LAMB1: variants seen among roughly 807,000 people sequenced by gnomAD.
LAMB1 encodes the protein laminin subunit beta-1.
Under a neutral mutation model 222.3 loss-of-function variants are expected in LAMB1, and 121 were observed. The ratio of observed to expected loss-of-function variants is 0.54; its 90% CI spans 0.47 to 0.63. The LOEUF (loss-of-function observed/expected upper bound fraction) is 0.63, where lower values mean the gene tolerates loss of function less well. LAMB1 is among the 30% of genes least tolerant of loss of function. The pLI is 0.00. For synonymous variants in LAMB1, 794 were observed against 807.2 expected, an observed-to-expected ratio of 0.98 and a Z score of 0.28; for missense variants, 2,172 against 2,240.8, an observed-to-expected ratio of 0.97 and a Z score of 0.62.
intron 20 of LAMB1, 99 bp from the exon 21 acceptor site, chr7:107,955,729 C>A: frequency 9.5e-7 from 1 of 1,052,046 alleles, no homozygotes; most frequent in Non-Finnish European, 1.3e-6. Flanking sequence ...GCACACTCTT[C>A]TCCACTCCTC....
intron 2 of LAMB1, 46 bp from the exon 3 acceptor site, chr7:108,001,779 G>T (rs758457042): frequency 6.2e-7 from 1 of 1,603,164 alleles, no homozygotes; most frequent in Non-Finnish European, 8.5e-7. Flanking sequence ...CAAGCAGGGA[G>T]TGGAGCCCGA....
At chr7:107,935,683 A>G (rs1313515561) in intron 26 of LAMB1, 27 bp from the exon 27 acceptor site, 2 of 1,609,522 alleles carry the variant, frequency 1.2e-6, no homozygotes, top group Admixed American at 3.3e-5. Flanking sequence ...AATTGCCCAC[A>G]GTTAACCTCA....
In LAMB1 at chr7:107,930,620, A is replaced by G. The variant is rs144899880; in HGVS notation, c.4537+736T>C. Among the ~76,000 whole-genome samples, 457 of 152,344 alleles carry G rather than the reference A, an allele frequency of 3.0e-3. 1 individual carries two copies. Among genetic ancestry groups the G allele is most frequent in the African/African-American group, 0.01 (435 of 41,576 alleles). Reference sequence around the variant, plus strand: ...TTGCTGGCCAGTGAGGTTTATAAGGATGACTGCTTAAAGGCTTCTAGGGAA... The same window carrying G: ...TTGCTGGCCAGTGAGGTTTATAAGGGTGACTGCTTAAAGGCTTCTAGGGAA... On this transcript the variant is annotated intron_variant, in intron 29 of 33. Transcript: ENST00000222399.
chr7:107,987,407 T>C (rs916156957), intron 5 of LAMB1, among the ~76,000 whole-genome samples: 6 of 152,124 alleles, frequency 3.9e-5, no homozygotes, highest in Admixed American at 3.9e-4. Context: ...CATTGATTTA[T>C]ACACTTAAAA....
At chr7:107,988,460 G>T (rs115032341) in intron 5 of LAMB1, among the ~76,000 whole-genome samples, 5,575 of 152,184 alleles carry the variant, frequency 0.037, 122 homozygotes, top group African/African-American at 0.039. Flanking sequence ...AAAGAAAAAA[G>T]GAATGGGTAA....
chr7:107,963,929 T>A (rs979405961), intron 14 of LAMB1, among the ~76,000 whole-genome samples: 10 of 152,114 alleles, frequency 6.6e-5, no homozygotes, highest in Non-Finnish European at 1.0e-4. Context: ...TGAAACCCCA[T>A]CCCTACTAAA....
At chr7:107,994,810 A>G in intron 5 of LAMB1, 77 bp downstream of exon 5, 1 of 786,302 alleles carries the variant, frequency 1.3e-6, no homozygotes. Context: ...GTCAACTCAC[A>G]TCTGACATCC....
rs949102852 is a variant in LAMB1 at position 107,928,966 on chromosome 7, G to A, written c.4887+98C>T. On this transcript the variant is annotated intron_variant, in intron 31 of 33. Transcript: ENST00000222399. ...TTTATTAAAGGAATCCTTTAATGTT[G>A]AGTTGTAAGAATTTCTGTTCATAGA... The A allele has an allele frequency of 4.4e-6, 5 of 1,137,328 alleles. No individual in the cohort carries two copies. In the African/African-American group the frequency reaches 6.2e-5, roughly 14 times the overall value. The allele number at this position is 1,137,328 out of a possible 1,614,324, so 70.5% of individuals were successfully genotyped here. A position where few individuals can be genotyped will look rare whatever the true frequency, so the allele number is the denominator to read the frequency against.
chr7:107,960,153 TTC>T (rs2033466745), intron 18 of LAMB1, among the ~76,000 whole-genome samples: 1 of 152,204 alleles, frequency 6.6e-6, no homozygotes, highest in African/African-American at 2.4e-5. Flanking sequence ...TATTTGATGC[TTC>T]TCTGATTCCA....
chr7:107,983,443 CACAGCAACATCA>C (rs2034011965), intron 7 of LAMB1, among the ~76,000 whole-genome samples: 2 of 151,832 alleles, frequency 1.3e-5, no homozygotes, highest in Non-Finnish European at 2.9e-5. Flanking sequence ...AGCTGATAGT[CACAGCAACATCA>C]ACAGCAACAA....
At chr7:107,965,773 T>G (rs1201505539) in intron 13 of LAMB1, among the ~76,000 whole-genome samples, 1 of 152,052 alleles carries the variant, frequency 6.6e-6, no homozygotes, top group Non-Finnish European at 1.5e-5. Context: ...AAGTTGCAAC[T>G]CACAGGAACA....
intron 12 of LAMB1, among the ~76,000 whole-genome samples, chr7:107,973,421 G>A (rs1434610307): frequency 2.0e-5 from 3 of 152,112 alleles, no homozygotes; most frequent in African/African-American, 7.2e-5. Flanking sequence ...GATTTGGCAG[G>A]CCTTTAAATC....
chr7:108,002,498 G>T, intron 2 of LAMB1: 1 of 1,162,498 alleles, frequency 8.6e-7, no homozygotes, highest in Non-Finnish European at 1.1e-6. Context: ...ATGGATTTTT[G>T]GAGAGCCCTC....
chr7:107,969,936 T>G (rs374320213), intron 13 of LAMB1, among the ~76,000 whole-genome samples: 1 of 152,206 alleles, frequency 6.6e-6, no homozygotes, highest in Non-Finnish European at 1.5e-5. Flanking sequence ...AGCTACACCA[T>G]AGTCATTCAA....
At chr7:107,964,716 G>A (rs1372935573) in intron 13 of LAMB1, 29 bp from the exon 14 acceptor site, 5 of 1,613,260 alleles carry the variant, frequency 3.1e-6, no homozygotes, top group Non-Finnish European at 4.2e-6. Context: ...CACATCAGCT[G>A]AGTTCATGGT....
intron 13 of LAMB1, 60 bp from the exon 14 acceptor site, chr7:107,964,747 A>T (rs2033593299): frequency 1.9e-6 from 3 of 1,594,546 alleles, no homozygotes; most frequent in Admixed American, 3.4e-5. Context: ...AACCCGCCAG[A>T]AGCAGCTCTA....
At chr7:107,959,138 AAATG>A in intron 20 of LAMB1, 107 bp downstream of exon 20, 2 of 832,876 alleles carry the variant, frequency 2.4e-6, no homozygotes, top group Non-Finnish European at 4.0e-6. Flanking sequence ...AGGTGGTCAG[AAATG>A]AATGAGCGAG....
chr7:107,982,559 G>A (rs2033993429), intron 7 of LAMB1, among the ~76,000 whole-genome samples: 1 of 151,232 alleles, frequency 6.6e-6, no homozygotes, highest in South Asian at 2.1e-4. Flanking sequence ...ATTTTCTCCT[G>A]CACAAATCCT....
chr7:107,936,486 T>C (rs1224465490), intron 26 of LAMB1: 1 of 152,312 alleles, frequency 6.6e-6, no homozygotes, highest in Non-Finnish European at 1.5e-5. Context: ...CCTGTGGATT[T>C]TGGTTTCTGC....
Sources: allele counts gnomAD v4.1 joint callset (sites outside exome capture counted in the v4.1 genomes callset), GRCh38; gene constraint gnomAD v4.1.1; transcripts MANE v1.5; gene names NCBI Gene and HGNC (gene_info 2026-07-23, HGNC 2026-07-21).